The following HSF5 variants were observed in gnomAD, a reference collection of about 807,000 sequenced individuals.
The protein encoded by HSF5 is heat shock transcription factor 5, also known as heat shock factor protein 5.
In HSF5, 5 loss-of-function variants were observed where a neutral mutation model predicts 50.8. The observed-to-expected ratio is 0.10, with a 90% CI of 0.05 to 0.21. The LOEUF (loss-of-function observed/expected upper bound fraction) is 0.21, where lower values mean the gene tolerates loss of function less well. Ranked by LOEUF, HSF5 falls within the 10% of genes least tolerant of loss-of-function variation. HSF5 has a pLI of 1.00. For synonymous variants in HSF5, 307 were observed against 307.4 expected (o/e 1.00, Z 0.02); for missense variants, 564 against 762.6 (o/e 0.74, Z 3.07).
intron 1 of HSF5, among the ~76,000 whole-genome samples, chr17:58,486,472 AT>A (rs1358828899): frequency 6.6e-6 from 1 of 152,270 alleles, no homozygotes; most frequent in Non-Finnish European, 1.5e-5. Flanking sequence ...ATACTGAAAG[AT>A]TGTAGCCAAT....
chr17:58,460,674 TA>T (rs1180518194), intron 4 of HSF5, among the ~76,000 whole-genome samples: 1 of 150,912 alleles, frequency 6.6e-6, no homozygotes, highest in Non-Finnish European at 1.5e-5. Flanking sequence ...CACGCCCGGC[TA>T]ATTTTTTGTA....
chr17:58,476,363 G>T, intron 2 of HSF5: 1 of 1,091,746 alleles, frequency 9.2e-7, no homozygotes, highest in Non-Finnish European at 1.4e-6. Context: ...GCATCAGAAT[G>T]GTCAGTAAAT....
At chr17:58,471,703 C>T (rs1304213785) in intron 2 of HSF5, among the ~76,000 whole-genome samples, 1 of 150,862 alleles carries the variant, frequency 6.6e-6, no homozygotes, top group Non-Finnish European at 1.5e-5. Context: ...TCTTGCCTCT[C>T]AGCCTCTGAA....
At position 58,487,771 on chromosome 17, in the gene HSF5, C is replaced by G; in HGVS notation, c.504G>C (p.Gln168His). The G allele has an allele frequency of 1.4e-6, 2 of 1,476,986 alleles. No homozygotes were observed. The highest frequency in any genetic ancestry group is 2.6e-5 in the South Asian group (2 of 76,184). The allele number at this position is 1,476,986 out of a possible 1,614,324, so 91.5% of individuals were successfully genotyped here. ...TSASAATAPLQHQQPPPPAGP... is the reference protein window; with the variant it reads ...TSASAATAPLHHQQPPPPAGP... ...CCGCGGGCGGCGGCGGCTGCTGGTG[C>G]TGCAGTGGCGCGGTGGCGGCGGAGG... Residue 168 changes from glutamine to histidine, a missense_variant, in exon 1 of 6, where the codon CAG becomes CAC. Physicochemically the swap from Gln to His is conservative, Grantham distance 24. Around this residue, in one of 5 missense-constraint regions of HSF5, gnomAD observed 441 missense variants for 533.6 expected, o/e 0.83. Coordinates refer to ENST00000323777, the MANE Select transcript of HSF5 (RefSeq NM_001080439.3).
intron 4 of HSF5, among the ~76,000 whole-genome samples, chr17:58,460,140 C>T (rs1598193381): frequency 1.3e-5 from 2 of 152,196 alleles, no homozygotes; most frequent in East Asian, 3.9e-4. Context: ...ACCTCAGCCT[C>T]CCAAGTACCT....
At chr17:58,482,537 C>T (rs1975112210) in intron 1 of HSF5, among the ~76,000 whole-genome samples, 1 of 151,178 alleles carries the variant, frequency 6.6e-6, no homozygotes. Flanking sequence ...GGAGAAACCC[C>T]GTCTCTACTA....
chr17:58,480,061 C>T lies in HSF5; in HGVS notation c.757G>A (p.Val253Ile), dbSNP rs1007846158. ...AACCTCTGGAGTACAGGAAACGGAA[C>T]CCCTTTATCTGAAAATGTGGGAGAT... is the stretch of plus-strand genomic sequence containing the variant. ...ETSPTFSDKG[V>I]PFPVLQRFPT... Residue 253 changes from valine to isoleucine, a missense_variant, in exon 2 of 6, where the codon GTT (valine) becomes ATT (isoleucine). Transcript: ENST00000323777. 1 of 1,614,144 alleles carries T rather than the reference C, an allele frequency of 6.2e-7. No homozygotes were observed. Among genetic ancestry groups the T allele is most frequent in the East Asian group, 2.2e-5 (1 of 44,876 alleles).
At chr17:58,439,022 T>C (rs549342028) in intron 5 of HSF5, among the ~76,000 whole-genome samples, 7 of 149,540 alleles carry the variant, frequency 4.7e-5, no homozygotes, top group African/African-American at 1.7e-4. Context: ...CTTTGGGGGG[T>C]TGGGGGTAGG....
chr17:58,459,520 G>A (rs1974760755), intron 4 of HSF5, among the ~76,000 whole-genome samples: 1 of 151,806 alleles, frequency 6.6e-6, no homozygotes, highest in Admixed American at 6.6e-5. Flanking sequence ...GGTAGCAGGT[G>A]CCTGTAATCC....
intron 3 of HSF5, 132 bp downstream of exon 3, chr17:58,466,753 A>T: frequency 1.6e-6 from 1 of 635,872 alleles, no homozygotes; most frequent in Non-Finnish European, 2.8e-6. Context: ...TTAAGAATTG[A>T]GAAAACAAAG....
chr17:58,456,264 A>C (rs187457503), intron 5 of HSF5, among the ~76,000 whole-genome samples: 1 of 152,214 alleles, frequency 6.6e-6, no homozygotes, highest in East Asian at 1.9e-4. Context: ...CATTTTTGGC[A>C]ACATAGGTGA....
chr17:58,431,038 C>T (rs745701495), intron 5 of HSF5, among the ~76,000 whole-genome samples: 1 of 152,124 alleles, frequency 6.6e-6, no homozygotes, highest in Non-Finnish European at 1.5e-5. Context: ...CAGGTTTTCC[C>T]GTGCTGTTCT....
At chr17:58,460,864 A>C (rs1471717269) in intron 4 of HSF5, among the ~76,000 whole-genome samples, 2 of 151,716 alleles carry the variant, frequency 1.3e-5, no homozygotes, top group Non-Finnish European at 2.9e-5. Flanking sequence ...TTAAGATCTG[A>C]AATATTTCAG....
At chr17:58,461,428 A>G (rs1598194103) in intron 4 of HSF5, among the ~76,000 whole-genome samples, 1 of 152,190 alleles carries the variant, frequency 6.6e-6, no homozygotes, top group Non-Finnish European at 1.5e-5. Context: ...ACCTGCCAAA[A>G]GTTATCTTGG....
At chr17:58,473,330 A>G (rs1974973144) in intron 2 of HSF5, among the ~76,000 whole-genome samples, 1 of 152,166 alleles carries the variant, frequency 6.6e-6, no homozygotes, top group Admixed American at 6.5e-5. Flanking sequence ...CTTGAGTTTA[A>G]AACTTTGAAA....
chr17:58,471,889 T>C (rs1275240690), intron 2 of HSF5, among the ~76,000 whole-genome samples: 1 of 152,224 alleles, frequency 6.6e-6, no homozygotes, highest in East Asian at 1.9e-4. Context: ...GGTCTTGATC[T>C]GTTGCCGAGG....
intron 5 of HSF5, among the ~76,000 whole-genome samples, chr17:58,429,572 G>A (rs1194421143): frequency 1.3e-5 from 2 of 151,810 alleles, no homozygotes; most frequent in African/African-American, 2.4e-5. Context: ...TTGGCCAGGC[G>A]TGGTGGCTCA....
rs1356023984 is a variant in HSF5, at chr17:58,488,392, A to T, written c.-118T>A. On this transcript the variant is annotated 5_prime_UTR_variant, in exon 1 of 6. Coordinates refer to ENST00000323777, the MANE Select transcript of HSF5 (RefSeq NM_001080439.3). The surrounding 1 kb of genome is among the most constrained non-coding windows in gnomAD (Gnocchi z 4.1). ...TGCCGGCGCCCATCCGCCGCGTACCAGGGACCGTTGGCGCACGAGGCCCCG... is the reference window on the plus strand; with the variant it reads ...TGCCGGCGCCCATCCGCCGCGTACCTGGGACCGTTGGCGCACGAGGCCCCG... 5 of 1,304,730 alleles carry T rather than the reference A, an allele frequency of 3.8e-6. No homozygotes were observed. Among genetic ancestry groups the T allele is most frequent in the Non-Finnish European group, 4.8e-6 (5 of 1,032,714 alleles). The allele number at this position is 1,304,730 out of a possible 1,614,324, so 80.8% of individuals were successfully genotyped here. A position where few individuals can be genotyped will look rare whatever the true frequency, so the allele number is the denominator to read the frequency against.
intron 5 of HSF5, among the ~76,000 whole-genome samples, chr17:58,453,828 C>T (rs1237595915): frequency 6.6e-6 from 1 of 152,060 alleles, no homozygotes; most frequent in Admixed American, 6.6e-5. Context: ...GTGGATCACA[C>T]CTGTAAACCC....
Sources: allele counts gnomAD v4.1 joint callset (sites outside exome capture counted in the v4.1 genomes callset), GRCh38; gene constraint gnomAD v4.1.1; regional missense constraint gnomAD v4.1.1; non-coding constraint Gnocchi (gnomAD v3.1); transcripts MANE v1.5; gene names NCBI Gene and HGNC (gene_info 2026-07-23, HGNC 2026-07-21).